Variants in NKAIN3 observed in about 807,000 individuals in gnomAD.
NKAIN3 encodes the protein sodium/potassium-transporting ATPase subunit beta-1-interacting protein 3.
In NKAIN3, 25 loss-of-function variants were observed where a neutral mutation model predicts 30.2. That is an observed-to-expected ratio of 0.83 (90% CI 0.60 to 1.16). The LOEUF (loss-of-function observed/expected upper bound fraction) is 1.16. Ranked by LOEUF, NKAIN3 falls within the 50% of genes most tolerant of loss-of-function variation. The pLI is 0.00. For synonymous variants in NKAIN3, 91 were observed against 89.6 expected (o/e 1.02, Z -0.09); for missense variants, 225 against 254.1 (o/e 0.89, Z 0.78).
chr8:62,256,980 AAAT>A (rs1460238687), intron 1 of NKAIN3, among the ~76,000 whole-genome samples: 2 of 152,184 alleles, frequency 1.3e-5, no homozygotes, highest in African/African-American at 4.8e-5. Flanking sequence ...TTTAATTGGC[AAAT>A]AATAATAGTA....
At chr8:62,467,525 G>A (rs1340565877) in intron 1 of NKAIN3, among the ~76,000 whole-genome samples, 1 of 152,134 alleles carries the variant, frequency 6.6e-6, no homozygotes, top group Non-Finnish European at 1.5e-5. Context: ...AAGTCAATAT[G>A]TAAGCTATAA....
intron 1 of NKAIN3, among the ~76,000 whole-genome samples, chr8:62,419,158 AACACCTTGACCCC>A (rs1804553903): frequency 2.6e-5 from 4 of 152,294 alleles, no homozygotes; most frequent in African/African-American, 9.6e-5. Context: ...TCTGGAAGTC[AACACCTTGACCCC>A]ACAGAGTACT....
intron 3 of NKAIN3, among the ~76,000 whole-genome samples, chr8:62,607,056 A>G (rs540215134): frequency 1.1e-4 from 17 of 152,306 alleles, no homozygotes; most frequent in African/African-American, 4.1e-4. Flanking sequence ...GATCACATGA[A>G]TAATTGAAGA....
At chr8:62,527,354 C>T (rs1808336079) in intron 1 of NKAIN3, among the ~76,000 whole-genome samples, 1 of 152,178 alleles carries the variant, frequency 6.6e-6, no homozygotes. Context: ...CCAGAGGCTA[C>T]CAGATATTTA....
rs562660532 is a variant in NKAIN3 at position 62,696,462 on chromosome 8, T to C, written c.274-50470T>C. Among the ~76,000 whole-genome samples the C allele has an allele frequency of 6.6e-5, 10 of 152,278 alleles. No individual in the cohort carries two copies. The South Asian group carries it at 2.1e-3, about 32-fold the overall frequency. On this transcript the variant is annotated intron_variant, in intron 3 of 6. Transcript: ENST00000623646. ...TCCATTTCTAATGAGAAGAGAATAA[T>C]ACCAACAATGATTCTAATTATATCT...
chr8:62,637,385 T>A (rs1812164128), intron 3 of NKAIN3, among the ~76,000 whole-genome samples: 1 of 152,182 alleles, frequency 6.6e-6, no homozygotes, highest in African/African-American at 2.4e-5. Context: ...GTTTTGCTCT[T>A]TTCTGGCCCC....
At chr8:62,584,143 G>T (rs983047989) in intron 2 of NKAIN3, among the ~76,000 whole-genome samples, 1 of 152,318 alleles carries the variant, frequency 6.6e-6, no homozygotes, top group South Asian at 2.1e-4. Flanking sequence ...TGAGGGGAAA[G>T]AGCTTTTTCA....
intron 1 of NKAIN3, among the ~76,000 whole-genome samples, chr8:62,310,780 A>G (rs1814402606): frequency 6.7e-6 from 1 of 150,326 alleles, no homozygotes; most frequent in African/African-American, 2.5e-5. Flanking sequence ...CTAGCTGGTT[A>G]TATAAGACCC....
intron 3 of NKAIN3, among the ~76,000 whole-genome samples, chr8:62,595,772 T>C (rs1810810005): frequency 6.6e-6 from 1 of 151,936 alleles, no homozygotes; most frequent in Admixed American, 6.6e-5. Context: ...TAGTAGGGGT[T>C]GTGCAGTTGA....
chr8:62,329,422 G>T (rs1815260457), intron 1 of NKAIN3, among the ~76,000 whole-genome samples: 1 of 152,088 alleles, frequency 6.6e-6, no homozygotes, highest in African/African-American at 2.4e-5. Context: ...GAGGTGTGGG[G>T]TACCAATGAT....
downstream of NKAIN3, chr8:62,985,002 G>A (rs1452355198): frequency 6.6e-6 from 1 of 152,142 alleles, no homozygotes; most frequent in African/African-American, 2.4e-5. Context: ...GAATTCTTCA[G>A]ATTTTGGAGG....
At chr8:62,838,903 G>T (rs972744491) in intron 4 of NKAIN3, among the ~76,000 whole-genome samples, 1 of 152,134 alleles carries the variant, frequency 6.6e-6, no homozygotes, top group Non-Finnish European at 1.5e-5. Flanking sequence ...TTAACTTTTA[G>T]CTTTGGATAA....
intron 3 of NKAIN3, among the ~76,000 whole-genome samples, chr8:62,713,260 CAT>C (rs1391239238): frequency 5.9e-5 from 9 of 152,172 alleles, no homozygotes; most frequent in Admixed American, 2.0e-4. Context: ...TTTTGACTCT[CAT>C]AGCATATGAC....
At chr8:62,735,374 C>CTTT (rs1471995692) in intron 3 of NKAIN3, among the ~76,000 whole-genome samples, 1 of 9,890 alleles carries the variant, frequency 1.0e-4, no homozygotes, top group Non-Finnish European at 6.7e-4. Context: ...TTCTTTCTTT[C>CTTT]TTTCTTTTTT....
At chr8:62,263,758 A>G (rs1812521005) in intron 1 of NKAIN3, among the ~76,000 whole-genome samples, 1 of 152,214 alleles carries the variant, frequency 6.6e-6, no homozygotes, top group Admixed American at 6.5e-5. Context: ...CTTCATCTGT[A>G]GACCTAAGGA....
intron 1 of NKAIN3, among the ~76,000 whole-genome samples, chr8:62,378,747 C>T (rs748644498): frequency 2.6e-5 from 4 of 152,190 alleles, no homozygotes; most frequent in South Asian, 4.1e-4. Context: ...TATGGAAATG[C>T]GTGGATATCC....
intron 1 of NKAIN3, among the ~76,000 whole-genome samples, chr8:62,529,068 T>C (rs958948796): frequency 1.3e-5 from 2 of 152,128 alleles, no homozygotes; most frequent in African/African-American, 4.8e-5. Context: ...CTTTTTCTTC[T>C]TTATCATCCA....
chr8:62,965,097 A>G (rs1481070838), intron 6 of NKAIN3, among the ~76,000 whole-genome samples: 2 of 152,170 alleles, frequency 1.3e-5, no homozygotes, highest in African/African-American at 4.8e-5. Flanking sequence ...TGACTACTCC[A>G]TATCACACAA....
At chr8:62,841,406 C>G (rs1003883123) in intron 4 of NKAIN3, among the ~76,000 whole-genome samples, 4 of 152,066 alleles carry the variant, frequency 2.6e-5, no homozygotes, top group Non-Finnish European at 5.9e-5. Flanking sequence ...CAACAGATCT[C>G]TAAACCTCCT....
Sources: allele counts gnomAD v4.1 joint callset (sites outside exome capture counted in the v4.1 genomes callset), GRCh38; gene constraint gnomAD v4.1.1; transcripts MANE v1.5; gene names NCBI Gene and HGNC (gene_info 2026-07-23, HGNC 2026-07-21).